Variants in SELENOI observed in about 807,000 individuals in gnomAD.
The protein encoded by SELENOI is ethanolaminephosphotransferase 1.
In SELENOI, 24 loss-of-function variants were observed where a neutral mutation model predicts 50.7. The ratio of observed to expected loss-of-function variants is 0.47; its 90% CI spans 0.34 to 0.67. The LOEUF (loss-of-function observed/expected upper bound fraction) is 0.67. SELENOI is among the 30% of genes least tolerant of loss of function. SELENOI has a pLI of 0.01. For missense variants in SELENOI, 352 were observed against 461.4 expected, an observed-to-expected ratio of 0.76 and a Z score of 2.17; for synonymous variants, 155 against 170.2, an observed-to-expected ratio of 0.91 and a Z score of 0.70.
rs2147968101 is a variant in SELENOI at position 26,394,735 on chromosome 2, C to T, written c.*5632C>T. ...GTAAACTCCCTGCTGCCCGCCTTCCCCCAGTCCCCTCCATCTAACATAATA... is the reference window on the plus strand; with the variant it reads ...GTAAACTCCCTGCTGCCCGCCTTCCTCCAGTCCCCTCCATCTAACATAATA... On this transcript the variant is annotated 3_prime_UTR_variant, in exon 10 of 10. Coordinates refer to ENST00000260585, the MANE Select transcript of SELENOI (RefSeq NM_033505.4). The surrounding 1 kb of genome is among the most constrained non-coding windows in gnomAD (Gnocchi z 4.1). The T allele has an allele frequency of 6.6e-6, 1 of 152,170 alleles. No homozygotes were observed. Among genetic ancestry groups the T allele is most frequent in the Non-Finnish European group, 1.5e-5 (1 of 68,018 alleles). 9.4% of individuals were successfully genotyped at this position (152,170 alleles called of 1,614,324 possible).
In SELENOI at chr2:26,346,217, C is replaced by G. The variant is rs564415439; in HGVS notation, c.-16C>G. 2.2e-4 allele frequency: 352 copies of G among 1,613,520 alleles called. No homozygotes were observed. Among genetic ancestry groups the G allele is most frequent in the Non-Finnish European group, 2.6e-4 (308 of 1,179,676 alleles). On this transcript the variant is annotated 5_prime_UTR_variant, in exon 1 of 10. Transcript: ENST00000260585. ...CGGGAGTCGCTGCCGAGTGGGCGCTCAGTTTTCGGGTCGTCATGGCTGGCT... is the reference window on the plus strand; with the variant it reads ...CGGGAGTCGCTGCCGAGTGGGCGCTGAGTTTTCGGGTCGTCATGGCTGGCT...
At chr2:26,367,314 C>A in intron 4 of SELENOI, 94 bp downstream of exon 4, 2 of 925,568 alleles carry the variant, frequency 2.2e-6, no homozygotes, top group South Asian at 3.4e-5. Flanking sequence ...GTGCTTAATT[C>A]ATTTTAACTA....
intron 1 of SELENOI, among the ~76,000 whole-genome samples, chr2:26,352,233 G>C (rs1218953370): frequency 6.6e-6 from 1 of 152,170 alleles, no homozygotes; most frequent in African/African-American, 2.4e-5. Context: ...TTGAAATCTA[G>C]ACAGGATCAC....
chr2:26,363,978 G>T (rs1484899039), intron 1 of SELENOI, among the ~76,000 whole-genome samples: 4 of 151,810 alleles, frequency 2.6e-5, no homozygotes, highest in Non-Finnish European at 4.4e-5. Flanking sequence ...CTGACCTCAA[G>T]TAATCTGCCT....
At chr2:26,346,438 G>C in intron 1 of SELENOI, 149 bp downstream of exon 1, 2 of 982,652 alleles carry the variant, frequency 2.0e-6, no homozygotes, top group Non-Finnish European at 2.8e-6. Context: ...GGGTCCTGGG[G>C]ATTGGGGGTC....
chr2:26,379,133 G>T (rs568082238), intron 6 of SELENOI, among the ~76,000 whole-genome samples: 3 of 152,114 alleles, frequency 2.0e-5, no homozygotes, highest in Non-Finnish European at 2.9e-5. Context: ...GTGTGGTGGC[G>T]TATGCCTGTA....
chr2:26,384,769 A>G (rs1277136123), intron 7 of SELENOI, among the ~76,000 whole-genome samples, 190 bp from the exon 8 acceptor site: 1 of 152,204 alleles, frequency 6.6e-6, no homozygotes, highest in Non-Finnish European at 1.5e-5. Flanking sequence ...CAAGTTTTGT[A>G]AATTTAAATT....
rs1285945851 is a variant in SELENOI at position 26,389,646 on chromosome 2, A to G, written c.*543A>G. ...CCCCTGAAAATGGCTTTTGTTCTCA[A>G]ATGATAAGAGAGCTAATACATTTAG... On this transcript the variant is annotated 3_prime_UTR_variant, in exon 10 of 10. Coordinates refer to ENST00000260585, the MANE Select transcript of SELENOI (RefSeq NM_033505.4). 3 of 153,830 alleles carry G rather than the reference A, an allele frequency of 2.0e-5. No individual in the cohort carries two copies. The highest frequency in any genetic ancestry group is 7.2e-5 in the African/African-American group (3 of 41,466). The allele number at this position is 153,830 out of a possible 1,614,324, so 9.5% of individuals were successfully genotyped here.
chr2:26,367,435 T>A (rs1431867892), intron 4 of SELENOI, among the ~76,000 whole-genome samples: 2 of 152,244 alleles, frequency 1.3e-5, no homozygotes, highest in Non-Finnish European at 1.5e-5. Context: ...GTTGGTAAAC[T>A]ACTACTTGTG....
At chr2:26,378,551 G>A (rs1277599800) in intron 6 of SELENOI, among the ~76,000 whole-genome samples, 2 of 152,270 alleles carry the variant, frequency 1.3e-5, no homozygotes, top group African/African-American at 4.8e-5. Context: ...CTGCTGCTCT[G>A]AATCTATTAT....
chr2:26,358,335 C>T (rs35200313), intron 1 of SELENOI, among the ~76,000 whole-genome samples: 60,028 of 151,966 alleles, frequency 0.4, 13,339 homozygotes, highest in Non-Finnish European at 0.51. Flanking sequence ...TGCAGTGAGC[C>T]GAGATCGCTG....
At chr2:26,381,834 G>C (rs941570079) in intron 6 of SELENOI, among the ~76,000 whole-genome samples, 2 of 152,142 alleles carry the variant, frequency 1.3e-5, no homozygotes, top group African/African-American at 2.4e-5. Context: ...TTTTAAGCCA[G>C]ATGTCTTAGG....
At chr2:26,373,747 A>G in intron 5 of SELENOI, 118 bp downstream of exon 5, 1 of 1,050,368 alleles carries the variant, frequency 9.5e-7, no homozygotes, top group Non-Finnish European at 1.3e-6. Context: ...GTACTTAAAA[A>G]TTTTTTATTT....
intron 9 of SELENOI, among the ~76,000 whole-genome samples, chr2:26,386,893 A>T (rs369754834): frequency 4.6e-5 from 7 of 152,146 alleles, no homozygotes; most frequent in African/African-American, 1.7e-4. Context: ...TTAATTATCT[A>T]TTTCTTCACT....
chr2:26,365,086 G>A, intron 3 of SELENOI, 146 bp downstream of exon 3: 2 of 558,052 alleles, frequency 3.6e-6, no homozygotes, highest in Non-Finnish European at 6.0e-6. Flanking sequence ...AATTAGATAT[G>A]TTGTCTAAAA....
intron 6 of SELENOI, among the ~76,000 whole-genome samples, chr2:26,380,571 C>T (rs1398273056): frequency 2.0e-5 from 3 of 152,166 alleles, no homozygotes; most frequent in Non-Finnish European, 4.4e-5. Flanking sequence ...TGCTGTTGTA[C>T]AAATTGCTGC....
chr2:26,373,350 G>T lies in SELENOI; in HGVS notation c.311-17G>T. The stretch of plus-strand genomic sequence containing the variant: ...GTGCATACGTTGAACTTTTCCTGTG[G>T]TTTGTTTTTGTTGCAGATGGTGTGG... On this transcript the variant is annotated splice_polypyrimidine_tract_variant and intron_variant, in intron 4 of 9. Coordinates refer to ENST00000260585, the MANE Select transcript of SELENOI (RefSeq NM_033505.4). 6.3e-7 allele frequency: 1 copy of T among 1,598,720 alleles called. No homozygotes were observed. The highest frequency in any genetic ancestry group is 1.1e-5 in the South Asian group (1 of 88,990).
intron 6 of SELENOI, among the ~76,000 whole-genome samples, chr2:26,381,800 T>C (rs1047331215): frequency 4.6e-5 from 7 of 152,188 alleles, no homozygotes; most frequent in Admixed American, 4.6e-4. Flanking sequence ...AGAGATAAGA[T>C]TTCTGTTGGG....
In SELENOI at chr2:26,389,141, A is replaced by T; in HGVS notation, c.*38A>T. On this transcript the variant is annotated 3_prime_UTR_variant, in exon 10 of 10. Coordinates refer to ENST00000260585, the MANE Select transcript of SELENOI (RefSeq NM_033505.4). ...GGGCACAAAGAAGTACTGTAAATAA[A>T]TGCTTGTAAATATTTCCTCCATCAC... The T allele has an allele frequency of 7.0e-7, 1 of 1,425,648 alleles. No homozygotes were observed. The highest frequency in any genetic ancestry group is 9.7e-7 in the Non-Finnish European group (1 of 1,032,560). The allele number at this position is 1,425,648 out of a possible 1,614,324, so 88.3% of individuals were successfully genotyped here. A position where few individuals can be genotyped will look rare whatever the true frequency, so the allele number is the denominator to read the frequency against.
Sources: allele counts gnomAD v4.1 joint callset (sites outside exome capture counted in the v4.1 genomes callset), GRCh38; gene constraint gnomAD v4.1.1; non-coding constraint Gnocchi (gnomAD v3.1); transcripts MANE v1.5; gene names NCBI Gene and HGNC (gene_info 2026-07-23, HGNC 2026-07-21).